Variants in GATA4 observed in about 807,000 individuals in gnomAD.
GATA4 encodes the protein transcription factor GATA-4.
Under a neutral mutation model 37.9 loss-of-function variants are expected in GATA4, and 7 were observed. The ratio of observed to expected loss-of-function variants is 0.18; its 90% CI spans 0.11 to 0.35. The LOEUF (loss-of-function observed/expected upper bound fraction) is 0.35, where lower values mean the gene tolerates loss of function less well. Among genes scored for constraint, GATA4 ranks in the 10% least tolerant of loss-of-function variants. GATA4 has a pLI of 1.00. For missense variants in GATA4, 647 were observed against 653.0 expected (o/e 0.99, Z 0.10); for synonymous variants, 372 against 292.6 (o/e 1.27, Z -2.77).
intron 5 of GATA4, among the ~76,000 whole-genome samples, chr8:11,755,715 G>A (rs1369618328): frequency 6.6e-6 from 1 of 152,106 alleles, no homozygotes; most frequent in Non-Finnish European, 1.5e-5. Context: ...TTTAACGAGG[G>A]TCATACAGCT....
intron 2 of GATA4, among the ~76,000 whole-genome samples, chr8:11,743,460 C>T (rs1801860653): frequency 2.0e-5 from 3 of 152,250 alleles, no homozygotes; most frequent in Admixed American, 6.5e-5. Context: ...CTGAGGGGAG[C>T]ATCTGCAGGA....
intron 2 of GATA4, among the ~76,000 whole-genome samples, chr8:11,728,404 T>G (rs1278023382): frequency 6.6e-6 from 1 of 152,270 alleles, no homozygotes; most frequent in Non-Finnish European, 1.5e-5. Context: ...GGTTTTGCTC[T>G]GATGCTCAGG....
chr8:11,679,701 C>A (rs2129918296), intron 1 of GATA4, among the ~76,000 whole-genome samples: 1 of 152,316 alleles, frequency 6.6e-6, no homozygotes, highest in Middle Eastern at 3.4e-3. Context: ...GCTGGGCGAA[C>A]AGTCCTAGCC....
chr8:11,757,087 C>T lies in GATA4; in HGVS notation c.1149+4C>T, dbSNP rs200334160. 8.1e-6 allele frequency: 13 copies of T among 1,613,536 alleles called. No homozygotes were observed. Among genetic ancestry groups the T allele is most frequent in the East Asian group, 4.5e-5 (2 of 44,876 alleles). On this transcript the variant is annotated splice_donor_region_variant and intron_variant, in intron 6 of 6. Transcript: ENST00000532059. ...GCACAGCAGCTCCGTGTCCCAGGTA[C>T]GCGCCATGGCTGGGGCGCCAGGGCT...
chr8:11,759,004 A>T lies in GATA4; in HGVS notation c.*529A>T. On this transcript the variant is annotated 3_prime_UTR_variant, in exon 7 of 7. Transcript: ENST00000532059. ...TCTGACTCCAAAATTGTGGGGTGTG[A>T]CATACAAGTGACTGAACACTTCCTG... 5.0e-6 allele frequency: 1 copy of T among 202,002 alleles called. No homozygotes were observed. Among genetic ancestry groups the T allele is most frequent in the South Asian group, 9.5e-5 (1 of 10,494 alleles). 12.5% of individuals were successfully genotyped at this position (202,002 alleles called of 1,614,324 possible). A position where few individuals can be genotyped will look rare whatever the true frequency, so the allele number is the denominator to read the frequency against.
Position 11,749,899 on chromosome 8 carries a change from C to T in GATA4, c.787-212C>T, listed in dbSNP as rs541769106. ...TCTCGATGCCCACGTTCGCTCTCCT[C>T]GGGCAGCAGAAACCTTGTTCTGATT... On this transcript the variant is annotated intron_variant, in intron 3 of 6. Transcript: ENST00000532059. This position sits in a 1 kb window ranked among gnomAD's most constrained non-coding sequence, Gnocchi z 4.6. 4.6e-5 allele frequency among the ~76,000 whole-genome samples: 7 copies of T among 152,326 alleles called. 1 individual carries two copies. The highest frequency in any genetic ancestry group is 1.7e-4 in the African/African-American group (7 of 41,560).
chr8:11,690,444 G>A (rs1022911409), upstream of GATA4, among the ~76,000 whole-genome samples: 3 of 152,214 alleles, frequency 2.0e-5, no homozygotes, highest in African/African-American at 7.2e-5. Flanking sequence ...TTTGGAGAGA[G>A]AGGTATATAG....
intron 1 of GATA4, chr8:11,692,946 C>T (rs1290969332): frequency 3.0e-6 from 3 of 984,904 alleles, no homozygotes; most frequent in African/African-American, 1.7e-5. Flanking sequence ...CGCACCTCAT[C>T]AATAAGGCCT....
In GATA4 at chr8:11,707,525, T is replaced by C. The variant is rs1799944249; in HGVS notation, c.-457-331T>C. On this transcript the variant is annotated intron_variant, in intron 1 of 6. Transcript: ENST00000532059. This position sits in a 1 kb window ranked among gnomAD's most constrained non-coding sequence, Gnocchi z 4.7. ...CCAAACTTTTGGACTTACAAAAATA[T>C]GCTTGCAGAATAAGGTAACATTAAA... Among the ~76,000 whole-genome samples, 1 of 152,214 alleles carries C rather than the reference T, an allele frequency of 6.6e-6. No homozygotes were observed. The highest frequency in any genetic ancestry group is 2.4e-5 in the African/African-American group (1 of 41,456).
intron 2 of GATA4, among the ~76,000 whole-genome samples, chr8:11,724,552 C>T (rs371317092): frequency 6.6e-6 from 1 of 152,210 alleles, no homozygotes; most frequent in African/African-American, 2.4e-5. Context: ...ACCAGCAGTA[C>T]GAGTCCTGAA....
At chr8:11,681,136 A>G in intron 1 of GATA4, 4 of 985,296 alleles carry the variant, frequency 4.1e-6, no homozygotes, top group Non-Finnish European at 4.8e-6. Flanking sequence ...AACCGAGCCC[A>G]GGGAATCTCC....
At chr8:11,735,204 C>G (rs1801397484) in intron 2 of GATA4, among the ~76,000 whole-genome samples, 1 of 152,138 alleles carries the variant, frequency 6.6e-6, no homozygotes, top group Non-Finnish European at 1.5e-5. Flanking sequence ...ATATTTTTTT[C>G]TCAGTGACTG....
At chr8:11,693,480 G>A (rs1179948331) in intron 1 of GATA4, among the ~76,000 whole-genome samples, 2 of 83,434 alleles carry the variant, frequency 2.4e-5, no homozygotes, top group Non-Finnish European at 5.3e-5. Context: ...GGAGAAAGAA[G>A]AGAGAGAGAG....
chr8:11,703,539 G>A (rs1032037206), upstream of GATA4, among the ~76,000 whole-genome samples: 2 of 152,256 alleles, frequency 1.3e-5, no homozygotes, highest in Admixed American at 1.3e-4. Context: ...TTAGAAGAGA[G>A]GAGGCCACAG....
intron 2 of GATA4, among the ~76,000 whole-genome samples, chr8:11,733,044 A>G (rs1801286517): frequency 6.6e-6 from 1 of 152,206 alleles, no homozygotes; most frequent in South Asian, 2.1e-4. Context: ...AGAAAGCGGC[A>G]ATGTTTTCAT....
chr8:11,680,544 C>CT, intron 1 of GATA4: 2 of 985,460 alleles, frequency 2.0e-6, no homozygotes, highest in Non-Finnish European at 2.4e-6. Context: ...CGCCGACGTC[C>CT]TTCGTGGTCG....
At chr8:11,701,020 TG>T (rs1563194566), upstream of GATA4, among the ~76,000 whole-genome samples, 1 of 152,162 alleles carries the variant, frequency 6.6e-6, no homozygotes, top group East Asian at 1.9e-4. Context: ...TTTTTATTTT[TG>T]GGGGGAACCA....
In GATA4 at chr8:11,708,617, CG is replaced by C; in HGVS notation, c.306del (p.Pro103ArgfsTer104). The C allele has an allele frequency of 7.5e-7, 1 of 1,342,272 alleles. No homozygotes were observed. The highest frequency in any genetic ancestry group is 9.5e-7 in the Non-Finnish European group (1 of 1,048,410). 83.1% of individuals were successfully genotyped at this position (1,342,272 alleles called of 1,614,324 possible). A position where few individuals can be genotyped will look rare whatever the true frequency, so the allele number is the denominator to read the frequency against. ...AGADGAAYTP[P>X]PVSPRFSFPG... is the part of the protein sequence containing the mutation. The stretch of plus-strand genomic sequence containing the variant: ...GCCGACGGAGCCGCTTACACCCCGC[CG>C]CCGGTGTCGCCGCGCTTCTCCTTCC... On this transcript the variant is annotated frameshift_variant, in exon 2 of 7. Coordinates refer to ENST00000532059, the MANE Select transcript of GATA4 (RefSeq NM_001308093.3). LOFTEE classifies it high-confidence loss of function. The surrounding 1 kb of genome is among the most constrained non-coding windows in gnomAD (Gnocchi z 6.7).
At chr8:11,710,292 A>C (rs1449924272) in intron 2 of GATA4, among the ~76,000 whole-genome samples, 1 of 151,856 alleles carries the variant, frequency 6.6e-6, no homozygotes, top group Non-Finnish European at 1.5e-5. Context: ...CCCCCAGGGG[A>C]GGAGGGGCCC....
Sources: gnomAD v4.1 joint callset for allele counts (sites outside exome capture counted in the v4.1 genomes callset) on GRCh38, gnomAD v4.1.1 for gene constraint, Gnocchi (gnomAD v3.1) non-coding constraint, MANE v1.5 for transcripts, NCBI Gene and HGNC (gene_info 2026-07-23, HGNC 2026-07-21) for gene names.